Variants in TTN observed in about 807,000 individuals in gnomAD.
The protein encoded by TTN is titin, also known as connectin.
Under a neutral mutation model 3,223.0 loss-of-function variants are expected in TTN, and 1,525 were observed. The ratio of observed to expected loss-of-function variants is 0.47; its 90% confidence interval spans 0.45 to 0.49. TTN has a LOEUF of 0.49. Among genes scored for constraint, TTN ranks in the 20% least tolerant of loss-of-function variants. The probability of loss-of-function intolerance (pLI) is 0.00; values close to 1 mark genes in which losing one functional copy is unlikely to be tolerated. For missense variants in TTN, 40,786 were observed against 43,424.0 expected (o/e 0.94, Z 5.40); for synonymous variants, 14,094 against 15,161.0 (o/e 0.93, Z 5.17).
In TTN at chr2:178,799,558, C is replaced by T. The variant is rs1438774131; in HGVS notation, c.843G>A (p.Gln281=). 1.9e-6 allele frequency: 3 copies of T among 1,614,014 alleles called. No individual in the cohort carries two copies. The African/African-American group carries it at 4.0e-5, about 22-fold the overall frequency. ...IAAKAQLARQ[Q]SPSPIRHSPS... ...GGGAGTGTCTTATGGGCGATGGGGA[C>T]TGCTGCCGAGCCAGCTGTGCTTTGG... Residue 281 remains glutamine (Q), a synonymous_variant, in exon 6 of 363, where the codon CAG becomes CAA. Coordinates refer to ENST00000589042, the MANE Select transcript of TTN (RefSeq NM_001267550.2).
In TTN at chr2:178,779,022, C is replaced by A; in HGVS notation, c.4060G>T (p.Val1354Phe). The change falls in exon 24 of 363, where the codon GTT becomes TTT. Residue 1354 changes from valine to phenylalanine, a missense_variant. By Grantham distance (50) the Val-to-Phe change is conservative (BLOSUM62 -1). Transcript: ENST00000589042. The part of the protein sequence containing the change: ...DGRASLRIPV[V>F]LPEDEGIYTA... ...TAGATTCCTTCATCTTCTGGAAGAA[C>A]AACAGGTATACGCAGACTAGCTCTG... 1.2e-6 allele frequency: 2 copies of A among 1,613,344 alleles called. No individual in the cohort carries two copies. The highest frequency in any genetic ancestry group is 1.7e-6 in the Non-Finnish European group (2 of 1,179,728).
chr2:178,708,265 T>C (rs1468862179), intron 99 of TTN, among the ~76,000 whole-genome samples: 1 of 152,204 alleles, frequency 6.6e-6, no homozygotes, highest in African/African-American at 2.4e-5. Flanking sequence ...GAGTAATACA[T>C]GAGCCCACAT....
Position 178,608,770 on chromosome 2 carries a change from G to A in TTN, c.52241C>T (p.Pro17414Leu), listed in dbSNP as rs2154197858. 1 of 1,612,518 alleles carries A rather than the reference G, an allele frequency of 6.2e-7. No homozygotes were observed. The highest frequency in any genetic ancestry group is 8.5e-7 in the Non-Finnish European group (1 of 1,179,172). ...YTLEKKDKTK[P>L]DSEWIVVTST... ...AGTGACAACAATCCATTCTGAGTCG[G>A]GTTTTGTCTTGTCTTTCTTTTCCAA... Residue 17414 changes from proline to leucine, a missense_variant, in exon 274 of 363, where the codon CCC becomes CTC. Coordinates refer to ENST00000589042, the MANE Select transcript of TTN (RefSeq NM_001267550.2).
At chr2:178,727,408 G>T (rs763882511) in intron 68 of TTN, 37 bp from the exon 69 acceptor site, 8 of 1,527,248 alleles carry the variant, frequency 5.2e-6, no homozygotes, top group Non-Finnish European at 3.5e-6. Flanking sequence ...TCAGGGAACA[G>T]AAATAAATAA....
At position 178,612,870 on chromosome 2, in the gene TTN, T is replaced by C; in HGVS notation, c.49851A>G (p.Glu16617=). 1 of 1,612,594 alleles carries C rather than the reference T, an allele frequency of 6.2e-7. No individual in the cohort carries two copies. The highest frequency in any genetic ancestry group is 8.5e-7 in the Non-Finnish European group (1 of 1,179,240). ...TTQHLLPGLM[E]GQEYSFRVRA... ...TAACTCGGAATGAGTATTCCTGTCC[T>C]TCCATGAGCCCTGGGAGCAAGTGCT... The change falls in exon 265 of 363, where the codon GAA becomes GAG. Residue 16617 remains glutamate, a synonymous_variant. Coordinates refer to ENST00000589042, the MANE Select transcript of TTN (RefSeq NM_001267550.2).
chr2:178,794,788 T>C (rs537180070), intron 7 of TTN, 134 bp downstream of exon 7: 3 of 1,240,842 alleles, frequency 2.4e-6, no homozygotes, highest in Admixed American at 2.0e-5. Flanking sequence ...CTGAATTTGG[T>C]CTTCAGTTGC....
At chr2:178,794,206 C>T (rs2093653217) in intron 8 of TTN, among the ~76,000 whole-genome samples, 193 bp downstream of exon 8, 1 of 150,296 alleles carries the variant, frequency 6.7e-6, no homozygotes, top group Non-Finnish European at 1.5e-5. Flanking sequence ...GTGATACTCA[C>T]ATTGTCAACA....
Position 178,584,503 on chromosome 2 carries a change from G to A in TTN, c.65048C>T (p.Pro21683Leu), listed in dbSNP as rs1328998714. 1.2e-6 allele frequency: 2 copies of A among 1,613,038 alleles called. No individual in the cohort carries two copies. Among genetic ancestry groups the A allele is most frequent in the African/African-American group, 1.3e-5 (1 of 74,838 alleles). Residue 21683 changes from proline to leucine, a missense_variant, in exon 311 of 363, where the codon CCA (proline) becomes CTA (leucine). Coordinates refer to ENST00000589042, the MANE Select transcript of TTN (RefSeq NM_001267550.2). ...KDCIFVAWDR[P>L]DSDGGSPIIG... is the part of the protein sequence containing the mutation. ...AATGGGGCTCCCTCCATCACTATCT[G>A]GTCTGTCCCAAGCAACAAAAATACA...
At position 178,610,993 on chromosome 2, in the gene TTN, C is replaced by T; in HGVS notation, c.51136G>A (p.Gly17046Ser). ...TGGTTTTTCTTCAAAGAATGATTAC[C>T]TATGACTTTGACATTGATTGAGGCT... ...ATASINVKVIGLPGPCKDIKA... is the reference protein window; with the variant it reads ...ATASINVKVISLPGPCKDIKA... Residue 17046 changes from glycine to serine, a missense_variant and splice_region_variant, in exon 270 of 363, where the codon GGC becomes AGC. Transcript: ENST00000589042. 1 of 1,611,838 alleles carries T rather than the reference C, an allele frequency of 6.2e-7. No individual in the cohort carries two copies. Among genetic ancestry groups the T allele is most frequent in the Non-Finnish European group, 8.5e-7 (1 of 1,178,844 alleles).
chr2:178,800,279 A>C (rs1372154324), intron 4 of TTN, 116 bp downstream of exon 4: 4 of 1,384,294 alleles, frequency 2.9e-6, no homozygotes, highest in African/African-American at 2.9e-5. Flanking sequence ...CAGCTTTTAT[A>C]TCAGCTCACA....
intron 348 of TTN, 44 bp downstream of exon 348, chr2:178,542,618 T>C: frequency 6.9e-6 from 11 of 1,597,336 alleles, no homozygotes; most frequent in African/African-American, 1.3e-5. Flanking sequence ...CAAAATTGGG[T>C]GACTGAACAT....
Position 178,734,538 on chromosome 2 carries a change from A to G in TTN, c.15286T>C (p.Cys5096Arg). The stretch of plus-strand genomic sequence containing the variant: ...AATGGTCCAGTGCCTGAGACTTCAC[A>G]CTGAAGTAGAGCATTTGTTCCTCTC... Reference protein sequence around the residue: ...IVRGTNALLQCEVSGTGPFEI... With the variant: ...IVRGTNALLQREVSGTGPFEI... Residue 5096 changes from cysteine (C) to arginine (R), a missense_variant, in exon 52 of 363, where the codon TGT becomes CGT. Transcript: ENST00000589042. 4 of 1,610,582 alleles carry G rather than the reference A, an allele frequency of 2.5e-6. No individual in the cohort carries two copies. Among genetic ancestry groups the G allele is most frequent in the Non-Finnish European group, 3.4e-6 (4 of 1,177,822 alleles).
intron 6 of TTN, among the ~76,000 whole-genome samples, chr2:178,795,580 G>T (rs771616479): frequency 4.0e-5 from 6 of 151,892 alleles, no homozygotes; most frequent in Non-Finnish European, 8.8e-5. Flanking sequence ...GGAAAGACAT[G>T]TCAAATCCAG....
chr2:178,688,835 T>G, intron 125 of TTN, 57 bp from the exon 126 acceptor site: 19 of 1,429,102 alleles, frequency 1.3e-5, no homozygotes, highest in Non-Finnish European at 9.8e-7. Flanking sequence ...AATTCTCACT[T>G]TCTAGAATTT....
chr2:178,571,126 C>T lies in TTN; in HGVS notation c.75006G>A (p.Val25002=). The part of the protein sequence containing the change: ...GKPSKVSECY[V]ARDPCDPPGR... ...CTGGTGGATCACATGGGTCACGAGCCACATAACATTCTGATACTTTACTCG... is the reference window on the plus strand; with the variant it reads ...CTGGTGGATCACATGGGTCACGAGCTACATAACATTCTGATACTTTACTCG... Residue 25002 remains valine (V), a synonymous_variant, in exon 326 of 363, where the codon GTG becomes GTA. Coordinates refer to ENST00000589042, the MANE Select transcript of TTN (RefSeq NM_001267550.2). 1.2e-6 allele frequency: 2 copies of T among 1,613,392 alleles called. No individual in the cohort carries two copies. The highest frequency in any genetic ancestry group is 1.7e-6 in the Non-Finnish European group (2 of 1,179,586).
Position 178,564,194 on chromosome 2 carries a change from C to T in TTN, c.81938G>A (p.Gly27313Glu), listed in dbSNP as rs199670463. Residue 27313 changes from glycine (G) to glutamate (E), a missense_variant, in exon 326 of 363, where the codon GGA (glycine) becomes GAA (glutamate). Physicochemically the swap from Gly to Glu is moderately conservative, Grantham distance 98. Coordinates refer to ENST00000589042, the MANE Select transcript of TTN (RefSeq NM_001267550.2). ...AGCAGCTGTTTCTTCAAGTTCTTTT[C>T]CATCTTTTGACCAAACAACATCAGG... ...PIPDVVWSKD[G>E]KELEETAARM... 3.3e-4 allele frequency: 534 copies of T among 1,613,626 alleles called. 7 individuals carry two copies. The South Asian group carries it at 4.9e-3, about 15-fold the overall frequency.
chr2:178,786,192 G>A, intron 13 of TTN, 51 bp from the exon 14 acceptor site: 2 of 1,595,028 alleles, frequency 1.3e-6, no homozygotes, highest in Non-Finnish European at 1.7e-6. Flanking sequence ...AGATCAGGCT[G>A]GAATATCTCC....
In TTN at chr2:178,569,125, G is replaced by A. The variant is rs2154167540; in HGVS notation, c.77007C>T (p.Cys25669=). 6.2e-7 allele frequency: 1 copy of A among 1,613,486 alleles called. No homozygotes were observed. The highest frequency in any genetic ancestry group is 8.5e-7 in the Non-Finnish European group (1 of 1,179,574). The change falls in exon 326 of 363, where the codon TGC becomes TGT. Residue 25669 remains cysteine, a synonymous_variant. Coordinates refer to ENST00000589042, the MANE Select transcript of TTN (RefSeq NM_001267550.2). ...SWKIDQLQEG[C]SYYFRVTAEN... ...CAGCTGTGACTCTAAAGTAATAACT[G>A]CAACCTTCTTGGAGCTGATCGATTT...
rs937168906 is a variant in TTN at position 178,775,561 on chromosome 2, G to A, written c.6303C>T (p.Val2101=). ...QGSDAHFRVR[V]VGKPDPECEW... is the part of the protein sequence containing the mutation. ...CACATTCGGGGTCTGGTTTCCCCAC[G>A]ACTCTGACCCGGAAGTGTGCATCAG... The change falls in exon 28 of 363, where the codon GTC becomes GTT. Residue 2101 remains valine (V), a synonymous_variant. Coordinates refer to ENST00000589042, the MANE Select transcript of TTN (RefSeq NM_001267550.2). 3.7e-6 allele frequency: 6 copies of A among 1,613,984 alleles called. No individual in the cohort carries two copies. In the African/African-American group the frequency reaches 4.0e-5, roughly 11 times the overall value.
Sources: allele counts gnomAD v4.1 joint callset (sites outside exome capture counted in the v4.1 genomes callset), GRCh38; gene constraint gnomAD v4.1.1; transcripts MANE v1.5; gene names NCBI Gene and HGNC (gene_info 2026-07-23, HGNC 2026-07-21).